Variants in DIPK1A observed in about 807,000 individuals in gnomAD.
The protein encoded by DIPK1A is family with sequence similarity 69 member A.
A neutral mutation model predicts 40.8 loss-of-function variants in DIPK1A; 27 were observed. The observed-to-expected ratio is 0.66, with a 90% CI of 0.49 to 0.91. DIPK1A has a LOEUF of 0.91. Among genes scored for constraint, DIPK1A ranks in the 40% least tolerant of loss-of-function variants. The pLI, the probability that DIPK1A is intolerant of heterozygous loss-of-function variation, is 0.00. For missense variants in DIPK1A, 412 were observed against 505.7 expected, an observed-to-expected ratio of 0.81 and a Z score of 1.78; for synonymous variants, 166 against 171.3, an observed-to-expected ratio of 0.97 and a Z score of 0.24.
At chr1:92,869,128 G>C (rs1258297595) in intron 2 of DIPK1A, among the ~76,000 whole-genome samples, 1 of 147,302 alleles carries the variant, frequency 6.8e-6, no homozygotes. Context: ...TATGACAGTA[G>C]TTACCTTGAA....
At chr1:92,913,375 GA>G (rs11423956) in intron 1 of DIPK1A, among the ~76,000 whole-genome samples, 163 of 148,730 alleles carry the variant, frequency 1.1e-3, no homozygotes, top group Non-Finnish European at 1.8e-3. Flanking sequence ...ACCATGATGT[GA>G]AAAAAAAAAG....
At position 92,880,327 on chromosome 1, in the gene DIPK1A, G is replaced by C. The variant is rs146480130; in HGVS notation, c.55-3897C>G. Among the ~76,000 whole-genome samples, 33 of 152,232 alleles carry C rather than the reference G, an allele frequency of 2.2e-4. No homozygotes were observed. The East Asian group carries it at 6.4e-3, about 29-fold the overall frequency. ...TAATTTTAAAAATATAATAACATCT[G>C]TCTGGAAATAACAGAAGCAGTTATC... On this transcript the variant is annotated intron_variant, in intron 1 of 4. Transcript: ENST00000370310.
At chr1:92,919,979 T>C (rs900905916) in intron 1 of DIPK1A, among the ~76,000 whole-genome samples, 1 of 152,236 alleles carries the variant, frequency 6.6e-6, no homozygotes, top group Admixed American at 6.5e-5. Context: ...TGTACACAAG[T>C]ATATCACAGG....
chr1:92,905,812 T>C (rs1649597879), intron 1 of DIPK1A, among the ~76,000 whole-genome samples: 2 of 152,154 alleles, frequency 1.3e-5, no homozygotes, highest in Admixed American at 1.3e-4. Flanking sequence ...TGTTGAGAGA[T>C]AGGGGTCTAG....
chr1:92,927,132 T>C (rs1225009333), intron 1 of DIPK1A, among the ~76,000 whole-genome samples: 1 of 152,184 alleles, frequency 6.6e-6, no homozygotes, highest in Non-Finnish European at 1.5e-5. Context: ...TATTGAAATA[T>C]AACTCATATA....
intron 1 of DIPK1A, among the ~76,000 whole-genome samples, chr1:92,887,353 G>A (rs1444022750): frequency 6.6e-6 from 1 of 151,964 alleles, no homozygotes; most frequent in Admixed American, 6.6e-5. Context: ...TTGAGACTGG[G>A]ATGTCATGGC....
chr1:92,849,149 A>G (rs1282105496), intron 3 of DIPK1A, among the ~76,000 whole-genome samples: 1 of 152,204 alleles, frequency 6.6e-6, no homozygotes, highest in African/African-American at 2.4e-5. Flanking sequence ...GTCTTCTCTG[A>G]TCACATCCTC....
At chr1:92,954,665 G>A (rs777768201) in intron 1 of DIPK1A, among the ~76,000 whole-genome samples, 4 of 151,924 alleles carry the variant, frequency 2.6e-5, no homozygotes, top group African/African-American at 9.7e-5. Context: ...GTGAGCCTCC[G>A]TGCCCAGCCG....
At chr1:92,900,724 C>T (rs913749814) in intron 1 of DIPK1A, among the ~76,000 whole-genome samples, 3 of 152,096 alleles carry the variant, frequency 2.0e-5, no homozygotes, top group Admixed American at 6.6e-5. Flanking sequence ...CCCCTTCCTC[C>T]CTAGAGTGTG....
At chr1:92,878,162 G>T (rs1279468232) in intron 1 of DIPK1A, among the ~76,000 whole-genome samples, 1 of 152,134 alleles carries the variant, frequency 6.6e-6, no homozygotes, top group South Asian at 2.1e-4. Flanking sequence ...CAAACTCCAG[G>T]CTGTGGGAAA....
At chr1:92,924,882 T>A (rs1419719286) in intron 1 of DIPK1A, among the ~76,000 whole-genome samples, 2 of 152,236 alleles carry the variant, frequency 1.3e-5, no homozygotes, top group African/African-American at 4.8e-5. Flanking sequence ...ACTTGCCTTG[T>A]TCCAGATATT....
chr1:92,949,754 G>A (rs1651554731), intron 1 of DIPK1A, among the ~76,000 whole-genome samples: 1 of 152,202 alleles, frequency 6.6e-6, no homozygotes, highest in Non-Finnish European at 1.5e-5. Context: ...GAAGTGGAAG[G>A]AGAAACATAG....
rs1020463605 is a variant in DIPK1A, at chr1:92,850,342, C to A, written c.297+506G>T. ...CAAAGTGCTGACAGAAAAAAAAAAA[C>A]AAAACAAAACAGTGTCTGGAATATA... On this transcript the variant is annotated intron_variant, in intron 3 of 4. Transcript: ENST00000370310. Among the ~76,000 whole-genome samples, 5 of 152,000 alleles carry A rather than the reference C, an allele frequency of 3.3e-5. No individual in the cohort carries two copies. In the East Asian group the frequency reaches 7.7e-4, roughly 23 times the overall value.
chr1:92,900,281 G>C (rs1649353621), intron 1 of DIPK1A, among the ~76,000 whole-genome samples: 1 of 150,672 alleles, frequency 6.6e-6, no homozygotes, highest in Non-Finnish European at 1.5e-5. Context: ...CATAAGTCTT[G>C]CAGGCTTTCT....
Position 92,876,444 on chromosome 1 carries a change from A to G in DIPK1A, c.55-14T>C, listed in dbSNP as rs1382066276. On this transcript the variant is annotated splice_polypyrimidine_tract_variant and intron_variant, in intron 1 of 4. Transcript: ENST00000370310. ...TGAGAAGCGAGCCTGTGAGTAAAAAAGAACATAACGATCATTCATTCAGCA... is the reference window on the plus strand; with the variant it reads ...TGAGAAGCGAGCCTGTGAGTAAAAAGGAACATAACGATCATTCATTCAGCA... 3 of 1,610,958 alleles carry G rather than the reference A, an allele frequency of 1.9e-6. 1 individual carries two copies. The South Asian group carries it at 3.3e-5, about 18-fold the overall frequency.
At chr1:92,847,521 A>G (rs1448252324) in intron 3 of DIPK1A, among the ~76,000 whole-genome samples, 162 bp from the exon 4 acceptor site, 1 of 152,190 alleles carries the variant, frequency 6.6e-6, no homozygotes, top group Non-Finnish European at 1.5e-5. Context: ...ACTTGAAATC[A>G]CACTCAAGAT....
chr1:92,836,291 C>T, intron 4 of DIPK1A: 2 of 1,614,166 alleles, frequency 1.2e-6, no homozygotes, highest in South Asian at 2.2e-5. Flanking sequence ...CAGGTGCCTT[C>T]ACCTGCTATT....
chr1:92,891,347 T>C (rs573828511), intron 1 of DIPK1A, among the ~76,000 whole-genome samples: 5 of 152,202 alleles, frequency 3.3e-5, no homozygotes, highest in Non-Finnish European at 7.4e-5. Context: ...TTGGGTTTGG[T>C]TTATTCTTGC....
chr1:92,946,996 T>C (rs1439551742), intron 1 of DIPK1A, among the ~76,000 whole-genome samples: 2 of 151,316 alleles, frequency 1.3e-5, no homozygotes, highest in Non-Finnish European at 2.9e-5. Flanking sequence ...TGTAGAGCAG[T>C]GATCTCCAAA....
Sources: allele counts gnomAD v4.1 joint callset (sites outside exome capture counted in the v4.1 genomes callset), GRCh38; gene constraint gnomAD v4.1.1; transcripts MANE v1.5; gene names NCBI Gene and HGNC (gene_info 2026-07-23, HGNC 2026-07-21).